Variants in DAB1 observed in about 807,000 individuals in gnomAD.
DAB1 encodes disabled homolog 1.
A neutral mutation model predicts 64.6 loss-of-function variants in DAB1; 15 were observed. That is an observed-to-expected ratio of 0.23 (90% CI 0.16 to 0.36). The LOEUF is 0.36. Among genes scored for constraint, DAB1 ranks in the 10% least tolerant of loss-of-function variants. The pLI is 1.00. For synonymous variants in DAB1, 235 were observed against 251.9 expected (o/e 0.93, Z 0.64); for missense variants, 596 against 706.7 (o/e 0.84, Z 1.78).
chr1:57,062,215 T>C (rs1192382599), intron 9 of DAB1, among the ~76,000 whole-genome samples: 3 of 152,208 alleles, frequency 2.0e-5, no homozygotes, highest in African/African-American at 7.2e-5. Flanking sequence ...CTGGACCTTG[T>C]TGTCCTTAAT....
intron 7 of DAB1, among the ~76,000 whole-genome samples, chr1:57,462,482 C>T (rs1686817446): frequency 6.6e-6 from 1 of 152,090 alleles, no homozygotes; most frequent in South Asian, 2.1e-4. Context: ...CACAGAACTC[C>T]AGTACTTTCT....
At chr1:57,925,785 G>A (rs571868675) in intron 5 of DAB1, among the ~76,000 whole-genome samples, 1 of 152,274 alleles carries the variant, frequency 6.6e-6, no homozygotes, top group South Asian at 2.1e-4. Context: ...CTTAAGCAAA[G>A]GTGTGATTGT....
intron 7 of DAB1, among the ~76,000 whole-genome samples, chr1:57,460,135 C>T (rs1425322636): frequency 1.3e-5 from 2 of 152,116 alleles, no homozygotes; most frequent in African/African-American, 4.8e-5. Context: ...GCAAACAAAC[C>T]ATTAGTTGTG....
intron 4 of DAB1, among the ~76,000 whole-genome samples, chr1:58,222,248 G>A (rs1197290567): frequency 6.6e-6 from 1 of 152,038 alleles, no homozygotes; most frequent in Non-Finnish European, 1.5e-5. Flanking sequence ...AGTGTATGTG[G>A]TGTGGGCTGT....
chr1:58,033,208 T>G (rs1646995401), intron 5 of DAB1, among the ~76,000 whole-genome samples: 1 of 152,188 alleles, frequency 6.6e-6, no homozygotes, highest in South Asian at 2.1e-4. Flanking sequence ...GATCAGAGTA[T>G]TTATTCCCTC....
intron 2 of DAB1, among the ~76,000 whole-genome samples, chr1:57,237,593 A>G (rs918597482): frequency 2.6e-5 from 4 of 152,240 alleles, no homozygotes; most frequent in African/African-American, 4.8e-5. Flanking sequence ...CGAAAATACA[A>G]TAACCTAACT....
At position 57,704,444 on chromosome 1, in the gene DAB1, G is replaced by C. The variant is rs1458838493; in HGVS notation, n.552-54779C>G. 2.0e-5 allele frequency among the ~76,000 whole-genome samples: 3 copies of C among 152,298 alleles called. No homozygotes were observed. In the East Asian group the frequency reaches 5.8e-4, roughly 29 times the overall value. ...AAATTATAGCACCAATTACAGATGA[G>C]AGTTGAATTCAGTTTTAATAATGGT... On this transcript the variant is annotated intron_variant and non_coding_transcript_variant, in intron 6 of 20. Coordinates refer to the DAB1 transcript ENST00000485760.
intron 9 of DAB1, among the ~76,000 whole-genome samples, chr1:57,052,140 G>A (rs57655464): frequency 0.055 from 7,582 of 139,106 alleles, 227 homozygotes; most frequent in African/African-American, 0.092. Flanking sequence ...TACTGGGGGC[G>A]GGGGGGCGGG....
intron 5 of DAB1, among the ~76,000 whole-genome samples, chr1:58,081,479 G>A (rs901994720): frequency 2.6e-5 from 4 of 152,208 alleles, no homozygotes; most frequent in Non-Finnish European, 5.9e-5. Context: ...GCCCACCCTT[G>A]TGGAGGAAAC....
chr1:58,443,067 A>C (rs922486849), intron 3 of DAB1, among the ~76,000 whole-genome samples: 8 of 152,218 alleles, frequency 5.3e-5, no homozygotes, highest in Admixed American at 5.2e-4. Context: ...TAGATTTACC[A>C]ATCACTGGAT....
At chr1:58,118,554 T>C (rs1335911707) in intron 5 of DAB1, among the ~76,000 whole-genome samples, 5 of 108,676 alleles carry the variant, frequency 4.6e-5, no homozygotes, top group African/African-American at 2.2e-4. Flanking sequence ...TATATACATA[T>C]ATATAAAATA....
At chr1:58,381,804 A>C (rs1191209173) in intron 3 of DAB1, among the ~76,000 whole-genome samples, 5 of 152,210 alleles carry the variant, frequency 3.3e-5, no homozygotes, top group African/African-American at 1.2e-4. Context: ...GTTGGACAAT[A>C]CAAGTCTGAA....
At chr1:57,815,557 G>A (rs1343416424) in intron 6 of DAB1, among the ~76,000 whole-genome samples, 1 of 151,874 alleles carries the variant, frequency 6.6e-6, no homozygotes, top group Non-Finnish European at 1.5e-5. Flanking sequence ...GTAAATTTAA[G>A]CTTTGATATA....
At chr1:58,516,915 A>AG (rs1374979868) in intron 2 of DAB1, among the ~76,000 whole-genome samples, 5 of 152,170 alleles carry the variant, frequency 3.3e-5, no homozygotes, top group African/African-American at 1.2e-4. Context: ...CATGCTACAG[A>AG]GGAAGCCAGG....
intron 7 of DAB1, among the ~76,000 whole-genome samples, chr1:57,435,533 TA>T (rs1685664074): frequency 1.3e-5 from 2 of 152,210 alleles, no homozygotes; most frequent in Non-Finnish European, 2.9e-5. Context: ...TTTCTATTTT[TA>T]AATTTTTAAT....
At chr1:57,830,598 T>C (rs955714614) in intron 1 of DAB1, among the ~76,000 whole-genome samples, 4 of 152,026 alleles carry the variant, frequency 2.6e-5, no homozygotes, top group African/African-American at 9.7e-5. Context: ...AATATATATA[T>C]ATATAGTTCC....
chr1:58,053,803 T>C (rs1647870336), intron 5 of DAB1, among the ~76,000 whole-genome samples: 1 of 152,254 alleles, frequency 6.6e-6, no homozygotes, highest in Admixed American at 6.5e-5. Context: ...TACATTTAAA[T>C]AACTCTGTGA....
At chr1:57,923,530 G>T (rs1005791339) in intron 5 of DAB1, among the ~76,000 whole-genome samples, 39 of 152,302 alleles carry the variant, frequency 2.6e-4, no homozygotes, top group African/African-American at 8.4e-4. Flanking sequence ...GTTAAAAATT[G>T]CTCCCCCTTA....
chr1:57,189,177 A>G (rs1209995197), intron 2 of DAB1, among the ~76,000 whole-genome samples: 3 of 152,128 alleles, frequency 2.0e-5, no homozygotes, highest in Non-Finnish European at 4.4e-5. Flanking sequence ...TTCCACCATA[A>G]TAACTTAACG....
Sources: allele counts gnomAD v4.1 joint callset (sites outside exome capture counted in the v4.1 genomes callset), GRCh38; gene constraint gnomAD v4.1.1; transcripts MANE v1.5; gene names NCBI Gene and HGNC (gene_info 2026-07-23, HGNC 2026-07-21).